The following LRMDA variants were observed in gnomAD, a reference collection of about 807,000 sequenced individuals.
The protein encoded by LRMDA is leucine rich melanocyte differentiation associated.
Under a neutral mutation model 29.8 loss-of-function variants are expected in LRMDA, and 18 were observed. The ratio of observed to expected loss-of-function variants is 0.60; its 90% CI spans 0.42 to 0.90. The LOEUF (loss-of-function observed/expected upper bound fraction) is 0.90, where lower values mean the gene tolerates loss of function less well. LRMDA is among the 40% of genes least tolerant of loss of function. LRMDA has a pLI of 0.00. For missense variants in LRMDA, 273 were observed against 273.9 expected, an observed-to-expected ratio of 1.00 and a Z score of 0.02; for synonymous variants, 125 against 109.4, an observed-to-expected ratio of 1.14 and a Z score of -0.89.
intron 6 of LRMDA, among the ~76,000 whole-genome samples, chr10:76,480,672 G>C (rs1842725130): frequency 6.6e-6 from 1 of 151,884 alleles, no homozygotes; most frequent in Admixed American, 6.6e-5. Flanking sequence ...CAACCAATTT[G>C]ATGGTTTGAC....
intron 5 of LRMDA, among the ~76,000 whole-genome samples, chr10:76,098,186 T>C (rs1222346986): frequency 6.6e-6 from 1 of 152,202 alleles, no homozygotes; most frequent in African/African-American, 2.4e-5. Flanking sequence ...AATTTAAAAG[T>C]GTTCCCTCCT....
At chr10:76,196,760 A>G (rs1851337996) in intron 5 of LRMDA, among the ~76,000 whole-genome samples, 1 of 152,254 alleles carries the variant, frequency 6.6e-6, no homozygotes. Context: ...ATGCAATTGC[A>G]TTATATCCAA....
intron 2 of LRMDA, among the ~76,000 whole-genome samples, chr10:75,708,263 C>T (rs1048470397): frequency 1.3e-5 from 2 of 152,350 alleles, no homozygotes; most frequent in Middle Eastern, 3.4e-3. Context: ...TCAGCTTCGT[C>T]GATCTGTCTC....
chr10:76,364,003 T>C (rs576551379), intron 6 of LRMDA, among the ~76,000 whole-genome samples: 1 of 152,270 alleles, frequency 6.6e-6, no homozygotes, highest in East Asian at 1.9e-4. Flanking sequence ...GGGATAATGA[T>C]TGCATGATTT....
intron 2 of LRMDA, among the ~76,000 whole-genome samples, chr10:75,632,889 C>T (rs1841344881): frequency 7.8e-6 from 1 of 128,406 alleles, no homozygotes; most frequent in Non-Finnish European, 1.6e-5. Context: ...TTTGCCTTGT[C>T]ATTGACTTTG....
chr10:75,820,819 G>T (rs1438036396), intron 2 of LRMDA, among the ~76,000 whole-genome samples: 1 of 152,056 alleles, frequency 6.6e-6, no homozygotes, highest in Non-Finnish European at 1.5e-5. Context: ...AATCAGAAAA[G>T]TTAAAGGTGT....
At chr10:76,288,881 C>A (rs1554862786) in intron 5 of LRMDA, among the ~76,000 whole-genome samples, 7 of 152,108 alleles carry the variant, frequency 4.6e-5, no homozygotes, top group Non-Finnish European at 1.0e-4. Context: ...CAGCCCCTTG[C>A]AAATCAAATG....
chr10:75,798,140 G>A (rs1843686745), intron 2 of LRMDA, among the ~76,000 whole-genome samples: 1 of 151,688 alleles, frequency 6.6e-6, no homozygotes, highest in Admixed American at 6.6e-5. Flanking sequence ...CAAATCCTTT[G>A]CCCCTTTTAA....
chr10:75,605,783 G>A (rs1727859621), intron 2 of LRMDA, among the ~76,000 whole-genome samples: 1 of 152,226 alleles, frequency 6.6e-6, no homozygotes, highest in Non-Finnish European at 1.5e-5. Context: ...TGTGTGAGCA[G>A]TTGAAGGAGA....
At chr10:76,024,558 C>T (rs769207942) in intron 2 of LRMDA, among the ~76,000 whole-genome samples, 8 of 152,204 alleles carry the variant, frequency 5.3e-5, no homozygotes, top group East Asian at 1.9e-4. Context: ...GGACAGAAAA[C>T]GTGTTTTCAC....
intron 6 of LRMDA, among the ~76,000 whole-genome samples, chr10:76,432,356 C>T (rs185644629): frequency 6.6e-5 from 10 of 152,254 alleles, no homozygotes; most frequent in African/African-American, 1.9e-4. Flanking sequence ...CATTCTAACA[C>T]GGTGCAAATC....
rs565211104 is a variant in LRMDA at position 75,552,423 on chromosome 10, T to C, written c.131+113929T>C. 23 of 286,686 alleles carry C rather than the reference T, an allele frequency of 8.0e-5. No individual in the cohort carries two copies. In the Middle Eastern group the frequency reaches 2.1e-3, roughly 27 times the overall value. 17.8% of individuals were successfully genotyped at this position (286,686 alleles called of 1,614,324 possible). A position where few individuals can be genotyped will look rare whatever the true frequency, so the allele number is the denominator to read the frequency against. On this transcript the variant is annotated intron_variant, in intron 2 of 6. Transcript: ENST00000611255. ...TTAGCTTTGTTCTGTGTTTTTTTTT[T>C]TTCCCCCCCCTCTGGCTGCTTTCAG...
chr10:75,649,359 C>T (rs1841568674), intron 2 of LRMDA, among the ~76,000 whole-genome samples: 1 of 152,180 alleles, frequency 6.6e-6, no homozygotes, highest in South Asian at 2.1e-4. Flanking sequence ...CATCAGTGAA[C>T]AGTTGGGTTA....
chr10:76,160,130 C>T (rs575278378), intron 5 of LRMDA, among the ~76,000 whole-genome samples: 25 of 151,808 alleles, frequency 1.6e-4, no homozygotes, highest in African/African-American at 5.6e-4. Flanking sequence ...CCCCCCATTT[C>T]CCAGGGGTAT....
chr10:76,090,084 C>T (rs978577738), intron 5 of LRMDA, among the ~76,000 whole-genome samples: 2 of 152,154 alleles, frequency 1.3e-5, no homozygotes, highest in African/African-American at 2.4e-5. Flanking sequence ...GGAGGAGAGA[C>T]GTCCTGAGAT....
At chr10:75,879,569 G>T (rs569942828) in intron 2 of LRMDA, among the ~76,000 whole-genome samples, 16 of 152,140 alleles carry the variant, frequency 1.1e-4, no homozygotes, top group Non-Finnish European at 2.1e-4. Flanking sequence ...TATTTCTACT[G>T]GAATATAAGG....
intron 5 of LRMDA, among the ~76,000 whole-genome samples, chr10:76,194,576 CA>C (rs1424226919): frequency 6.6e-6 from 1 of 152,160 alleles, no homozygotes; most frequent in East Asian, 1.9e-4. Context: ...CTGAAAGGTG[CA>C]AAGTCTCATG....
intron 2 of LRMDA, among the ~76,000 whole-genome samples, 174 bp downstream of exon 2, chr10:75,438,668 G>A (rs1030046419): frequency 1.4e-4 from 22 of 152,226 alleles, no homozygotes; most frequent in African/African-American, 5.1e-4. Context: ...TGTGTCCGGT[G>A]ATTCCTTGGC....
At position 75,662,372 on chromosome 10, in the gene LRMDA, A is replaced by C. The variant is rs1841765307; in HGVS notation, c.131+223878A>C. ...GCTACTACAGGTTTCGTTATTGGTA[A>C]TCCTTCGGAAAGCGACACGGAAACA... On this transcript the variant is annotated intron_variant, in intron 2 of 6. Transcript: ENST00000611255. Among the ~76,000 whole-genome samples the C allele has an allele frequency of 4.6e-5, 7 of 152,188 alleles. No homozygotes were observed. The South Asian group carries it at 1.4e-3, about 32-fold the overall frequency.
Sources: gnomAD v4.1 joint callset for allele counts (sites outside exome capture counted in the v4.1 genomes callset) on GRCh38, gnomAD v4.1.1 for gene constraint, MANE v1.5 for transcripts, NCBI Gene and HGNC (gene_info 2026-07-23, HGNC 2026-07-21) for gene names.